RAB11FIP3: variants seen among roughly 807,000 people sequenced by gnomAD.
RAB11FIP3 encodes the protein RAB11 family interacting protein 3, also known as rab11 family-interacting protein 3.
A neutral mutation model predicts 77.8 loss-of-function variants in RAB11FIP3; 17 were observed. That is an observed-to-expected ratio of 0.22 (90% CI 0.15 to 0.33). The LOEUF is 0.33. Among genes scored for constraint, RAB11FIP3 ranks in the 10% least tolerant of loss-of-function variants. The pLI is 1.00. For missense variants in RAB11FIP3, 1,005 were observed against 1,011.2 expected (o/e 0.99, Z 0.08); for synonymous variants, 437 against 448.2 (o/e 0.98, Z 0.31).
chr16:483,589 T>C (rs2056090186), intron 4 of RAB11FIP3, among the ~76,000 whole-genome samples: 1 of 152,188 alleles, frequency 6.6e-6, no homozygotes, highest in Non-Finnish European at 1.5e-5. Flanking sequence ...TAGATTTCTT[T>C]GACATTTTTC....
At chr16:496,760 T>C in intron 5 of RAB11FIP3, 64 bp from the exon 6 acceptor site, 1 of 1,500,062 alleles carries the variant, frequency 6.7e-7, no homozygotes, top group South Asian at 1.1e-5. Flanking sequence ...CTGAGTTTCC[T>C]GCTTCCTCCT....
intron 9 of RAB11FIP3, among the ~76,000 whole-genome samples, chr16:511,592 G>A (rs1339582585): frequency 5.6e-5 from 4 of 71,374 alleles, no homozygotes; most frequent in East Asian, 4.9e-4. Context: ...GAAGTTCCCC[G>A]ACGGCCCGCC....
Position 505,398 on chromosome 16 carries a change from G to A in RAB11FIP3, c.1396-126G>A, listed in dbSNP as rs968761922. On this transcript the variant is annotated intron_variant, in intron 7 of 13. Transcript: ENST00000262305. This position sits in a 1 kb window ranked among gnomAD's most constrained non-coding sequence, Gnocchi z 4.0. Reference sequence around the variant, plus strand: ...ATGGGACAAGTTGGATCCAACACCAGCCTAGCTAGGTGGATCTGATTCTGT... The same window carrying A: ...ATGGGACAAGTTGGATCCAACACCAACCTAGCTAGGTGGATCTGATTCTGT... The A allele has an allele frequency of 1.4e-6, 1 of 697,374 alleles. No homozygotes were observed. The highest frequency in any genetic ancestry group is 2.7e-5 in the East Asian group (1 of 36,392). The allele number at this position is 697,374 out of a possible 1,614,324, so 43.2% of individuals were successfully genotyped here.
At chr16:497,956 T>A (rs545757142) in intron 6 of RAB11FIP3, among the ~76,000 whole-genome samples, 2,206 of 142,618 alleles carry the variant, frequency 0.015, 60 homozygotes, top group African/African-American at 0.057. Flanking sequence ...AAAAAAAAAA[T>A]TAAAAATTAA....
rs118011925 is a variant in RAB11FIP3 at position 513,286 on chromosome 16, T to A, written c.1640+2486T>A. On this transcript the variant is annotated intron_variant, in intron 9 of 13. Transcript: ENST00000262305. ...CCCTGGCTGGAGTGCAGTGGCCCTG[T>A]CATGGCTCACTGCAGCCTTGAACTC... Among the ~76,000 whole-genome samples the A allele has an allele frequency of 6.2e-4, 94 of 151,604 alleles. 1 individual carries two copies. The East Asian group carries it at 0.015, about 24-fold the overall frequency.
At chr16:448,726 A>C (rs1182204636) in intron 1 of RAB11FIP3, among the ~76,000 whole-genome samples, 4 of 123,214 alleles carry the variant, frequency 3.2e-5, no homozygotes. Flanking sequence ...GCAGAACGAG[A>C]CTCCGTCTCA....
At chr16:427,683 T>A (rs1048420856) in intron 1 of RAB11FIP3, among the ~76,000 whole-genome samples, 7 of 152,352 alleles carry the variant, frequency 4.6e-5, no homozygotes, top group Non-Finnish European at 1.0e-4. Flanking sequence ...GTATTTTGAC[T>A]TCTCACACAT....
chr16:475,865 A>ATTTTTTTT (rs1567378948), intron 3 of RAB11FIP3, among the ~76,000 whole-genome samples: 7 of 151,656 alleles, frequency 4.6e-5, no homozygotes, highest in African/African-American at 1.5e-4. Context: ...TATTTTTTAA[A>ATTTTTTTT]TTGTTTTTTG....
chr16:508,430 A>G (rs765796077), intron 8 of RAB11FIP3, among the ~76,000 whole-genome samples: 34 of 152,008 alleles, frequency 2.2e-4, no homozygotes, highest in Admixed American at 5.9e-4. Flanking sequence ...CTGGAGTGCA[A>G]TGGCACAATC....
intron 3 of RAB11FIP3, among the ~76,000 whole-genome samples, chr16:473,327 A>G (rs2055842078): frequency 6.6e-6 from 1 of 152,218 alleles, no homozygotes; most frequent in African/African-American, 2.4e-5. Context: ...AATGGAAGAA[A>G]GTTTTTTGAC....
Position 506,011 on chromosome 16 carries a change from G to A in RAB11FIP3, c.1499+384G>A, listed in dbSNP as rs1219073119. Among the ~76,000 whole-genome samples, 1 of 152,234 alleles carries A rather than the reference G, an allele frequency of 6.6e-6. No homozygotes were observed. The highest frequency in any genetic ancestry group is 1.5e-5 in the Non-Finnish European group (1 of 68,042). On this transcript the variant is annotated intron_variant, in intron 8 of 13. Coordinates refer to ENST00000262305, the MANE Select transcript of RAB11FIP3 (RefSeq NM_014700.4). This position sits in a 1 kb window ranked among gnomAD's most constrained non-coding sequence, Gnocchi z 4.5. ...ACTCTGGTCCATACGGGGTTTGCCC[G>A]TCCTGGAAGAATGCAGGTTAGAGAA...
At position 432,153 on chromosome 16, in the gene RAB11FIP3, C is replaced by T. The variant is rs542691821; in HGVS notation, c.714+5433C>T. Among the ~76,000 whole-genome samples, 115 of 152,238 alleles carry T rather than the reference C, an allele frequency of 7.6e-4. No homozygotes were observed. The South Asian group carries it at 0.023, about 30-fold the overall frequency. On this transcript the variant is annotated intron_variant, in intron 1 of 13. Transcript: ENST00000262305. ...ATCCCAACACTTTGGGAGGCCAAGG[C>T]GGGTGGATCATCTGAGATCAGGAGA...
rs1239736886 is a variant in RAB11FIP3 at position 461,982 on chromosome 16, C to T, written c.808+485C>T. Among the ~76,000 whole-genome samples, 4 of 152,206 alleles carry T rather than the reference C, an allele frequency of 2.6e-5. No homozygotes were observed. Among genetic ancestry groups the T allele is most frequent in the Admixed American group, 1.3e-4 (2 of 15,286 alleles). On this transcript the variant is annotated intron_variant, in intron 2 of 13. Coordinates refer to ENST00000262305, the MANE Select transcript of RAB11FIP3 (RefSeq NM_014700.4). The surrounding 1 kb of genome is among the most constrained non-coding windows in gnomAD (Gnocchi z 4.5). ...CACTGCAGCCCGTACCACCATCGTT[C>T]CCTAGAGCTCAGTGTTTGTTTCCAG...
chr16:480,199 C>A (rs568837087), intron 3 of RAB11FIP3, among the ~76,000 whole-genome samples: 2 of 137,730 alleles, frequency 1.5e-5, no homozygotes, highest in Non-Finnish European at 3.1e-5. Context: ...GCAGGAGAAT[C>A]TTTTGAACCC....
At chr16:464,102 G>A (rs1046063673) in intron 2 of RAB11FIP3, among the ~76,000 whole-genome samples, 4 of 152,234 alleles carry the variant, frequency 2.6e-5, no homozygotes, top group Admixed American at 6.5e-5. Context: ...TGAGAGGAGC[G>A]TGCAGGCAAG....
chr16:431,906 G>A lies in RAB11FIP3; in HGVS notation c.714+5186G>A, dbSNP rs562420558. Among the ~76,000 whole-genome samples the A allele has an allele frequency of 4.2e-3, 640 of 151,942 alleles. 3 individuals carry two copies. Among genetic ancestry groups the A allele is most frequent in the Non-Finnish European group, 6.4e-3 (435 of 67,958 alleles). On this transcript the variant is annotated intron_variant, in intron 1 of 13. Transcript: ENST00000262305. Reference sequence around the variant, plus strand: ...TGAGTAGCTGGGACTACAGGCGCCCGCCACCCCTCCCGGCTAATTTTTTTG... The same window carrying A: ...TGAGTAGCTGGGACTACAGGCGCCCACCACCCCTCCCGGCTAATTTTTTTG...
intron 5 of RAB11FIP3, among the ~76,000 whole-genome samples, chr16:490,918 G>A (rs963474421): frequency 6.6e-6 from 1 of 152,172 alleles, no homozygotes; most frequent in Non-Finnish European, 1.5e-5. Flanking sequence ...CCTGAGGCTC[G>A]AGCTGGTGCC....
intron 1 of RAB11FIP3, among the ~76,000 whole-genome samples, chr16:437,152 C>T (rs1000583021): frequency 6.6e-6 from 1 of 151,924 alleles, no homozygotes; most frequent in African/African-American, 2.4e-5. Flanking sequence ...GTGGCGGGCA[C>T]CTATAGTCCC....
At chr16:457,783 A>T (rs748583860) in intron 1 of RAB11FIP3, among the ~76,000 whole-genome samples, 5 of 152,230 alleles carry the variant, frequency 3.3e-5, no homozygotes, top group Non-Finnish European at 5.9e-5. Flanking sequence ...GTGTTCAATT[A>T]GTAGCTTCAG....
Sources: allele counts gnomAD v4.1 joint callset (sites outside exome capture counted in the v4.1 genomes callset), GRCh38; gene constraint gnomAD v4.1.1; non-coding constraint Gnocchi (gnomAD v3.1); transcripts MANE v1.5; gene names NCBI Gene and HGNC (gene_info 2026-07-23, HGNC 2026-07-21).